Variants in NLGN1 observed in about 807,000 individuals in gnomAD.
NLGN1 encodes the protein neuroligin-1.
NLGN1 carries 12 observed loss-of-function variants against 65.5 expected under a neutral mutation model. The observed-to-expected ratio is 0.18, with a 90% CI of 0.12 to 0.30. NLGN1 has a LOEUF of 0.30. Among genes scored for constraint, NLGN1 ranks in the 10% least tolerant of loss-of-function variants. The pLI, the probability that NLGN1 is intolerant of heterozygous loss-of-function variation, is 1.00. For synonymous variants in NLGN1, 350 were observed against 359.5 expected, an observed-to-expected ratio of 0.97 and a Z score of 0.30; for missense variants, 750 against 1,007.1, an observed-to-expected ratio of 0.74 and a Z score of 3.46.
At chr3:173,607,487 T>C (rs924880238) in intron 3 of NLGN1, among the ~76,000 whole-genome samples, 1 of 151,614 alleles carries the variant, frequency 6.6e-6, no homozygotes, top group African/African-American at 2.4e-5. Context: ...ATAACAAAAA[T>C]TTTTGATGTA....
At chr3:173,901,372 T>A (rs111582820) in intron 4 of NLGN1, among the ~76,000 whole-genome samples, 4 of 136,132 alleles carry the variant, frequency 2.9e-5, no homozygotes, top group East Asian at 2.6e-4. Context: ...TTTGGGGGGG[T>A]GTGTGTGTGT....
At chr3:174,012,690 G>T (rs1233984599) in intron 4 of NLGN1, among the ~76,000 whole-genome samples, 1 of 152,006 alleles carries the variant, frequency 6.6e-6, no homozygotes, top group Non-Finnish European at 1.5e-5. Context: ...AAGACATTGG[G>T]GTCAAATATT....
intron 2 of NLGN1, among the ~76,000 whole-genome samples, chr3:173,567,635 A>G (rs1001220675): frequency 6.6e-6 from 1 of 151,562 alleles, no homozygotes; most frequent in African/African-American, 2.4e-5. Flanking sequence ...AATAATATTT[A>G]TCAAGTGTAT....
intron 4 of NLGN1, among the ~76,000 whole-genome samples, chr3:174,053,375 T>G (rs1422420096): frequency 2.6e-5 from 4 of 152,024 alleles, no homozygotes; most frequent in African/African-American, 9.7e-5. Flanking sequence ...AAATGTATGC[T>G]TCTGGTGGTC....
chr3:174,232,123 G>T (rs878973934), intron 4 of NLGN1, among the ~76,000 whole-genome samples: 1 of 152,194 alleles, frequency 6.6e-6, no homozygotes, highest in Non-Finnish European at 1.5e-5. Context: ...AGTCCGAAAA[G>T]AGAGTCAACG....
rs574926782 is a variant in NLGN1 at position 174,256,024 on chromosome 3, A to G, written c.647-19291A>G. Among the ~76,000 whole-genome samples the G allele has an allele frequency of 3.2e-3, 480 of 152,318 alleles. 1 individual carries two copies. Among genetic ancestry groups the G allele is most frequent in the African/African-American group, 0.011 (458 of 41,570 alleles). ...GTTTTAAATGTATTGAGCATAGTGTATGTTAATGTTCTCCCATTCCCAGAG... is the reference window on the plus strand; with the variant it reads ...GTTTTAAATGTATTGAGCATAGTGTGTGTTAATGTTCTCCCATTCCCAGAG... On this transcript the variant is annotated intron_variant, in intron 4 of 6. Coordinates refer to ENST00000457714, the Ensembl canonical transcript of NLGN1.
chr3:173,565,812 G>A (rs1393674494), intron 2 of NLGN1, among the ~76,000 whole-genome samples: 1 of 152,180 alleles, frequency 6.6e-6, no homozygotes, highest in Non-Finnish European at 1.5e-5. Flanking sequence ...TTGCAAGGAA[G>A]ATGAAGCAGA....
chr3:173,796,614 T>G (rs1203099322), intron 3 of NLGN1, among the ~76,000 whole-genome samples: 1 of 152,088 alleles, frequency 6.6e-6, no homozygotes, highest in Non-Finnish European at 1.5e-5. Context: ...GAGAGTTATG[T>G]GTGTGTTCCT....
At chr3:173,536,777 G>T (rs1241481850) in intron 2 of NLGN1, among the ~76,000 whole-genome samples, 1 of 152,198 alleles carries the variant, frequency 6.6e-6, no homozygotes, top group African/African-American at 2.4e-5. Context: ...GTGTGTGTGT[G>T]TGTGCGTAGG....
intron 4 of NLGN1, among the ~76,000 whole-genome samples, chr3:174,096,002 A>AAAAT (rs111524218): frequency 0.17 from 25,086 of 151,028 alleles, 2,705 homozygotes; most frequent in African/African-American, 0.31. Flanking sequence ...TCCATCTAAA[A>AAAAT]AAATAAATAA....
chr3:173,845,396 A>T (rs915386207), intron 4 of NLGN1, among the ~76,000 whole-genome samples: 2 of 152,192 alleles, frequency 1.3e-5, no homozygotes, highest in African/African-American at 4.8e-5. Flanking sequence ...ATCTGAGTGA[A>T]TGATCCTCTG....
At chr3:174,121,817 G>A (rs1365072256) in intron 4 of NLGN1, among the ~76,000 whole-genome samples, 4 of 152,072 alleles carry the variant, frequency 2.6e-5, no homozygotes, top group Non-Finnish European at 4.4e-5. Flanking sequence ...GGACAAAATC[G>A]TAAACTAGAA....
At chr3:174,019,068 T>C (rs1727208755) in intron 4 of NLGN1, among the ~76,000 whole-genome samples, 1 of 151,980 alleles carries the variant, frequency 6.6e-6, no homozygotes, top group South Asian at 2.1e-4. Context: ...ATAAATCAGG[T>C]ATTCAATGCC....
chr3:173,430,416 A>G (rs377493273), intron 1 of NLGN1, among the ~76,000 whole-genome samples: 4 of 152,248 alleles, frequency 2.6e-5, no homozygotes, highest in African/African-American at 7.2e-5. Flanking sequence ...CTGTCGTTTT[A>G]TAGTCTCTAA....
intron 4 of NLGN1, among the ~76,000 whole-genome samples, chr3:174,150,500 A>G (rs1173997832): frequency 1.3e-5 from 2 of 152,112 alleles, no homozygotes; most frequent in Admixed American, 6.6e-5. Context: ...AATGAATCCT[A>G]TAGAGTAAAA....
At chr3:174,225,600 G>A (rs971804780) in intron 4 of NLGN1, among the ~76,000 whole-genome samples, 1 of 152,182 alleles carries the variant, frequency 6.6e-6, no homozygotes. Context: ...GCGTGGTGGC[G>A]GGCGCCTGTA....
intron 4 of NLGN1, among the ~76,000 whole-genome samples, chr3:174,135,031 T>A (rs1170218957): frequency 6.6e-6 from 1 of 152,170 alleles, no homozygotes; most frequent in African/African-American, 2.4e-5. Context: ...TCTGCCAAAG[T>A]TCTGAGATTA....
intron 3 of NLGN1, among the ~76,000 whole-genome samples, chr3:173,781,879 G>A (rs1781219613): frequency 6.6e-6 from 1 of 152,104 alleles, no homozygotes; most frequent in Admixed American, 6.5e-5. Flanking sequence ...AGCTCAAACT[G>A]GACAATGTTA....
intron 1 of NLGN1, among the ~76,000 whole-genome samples, chr3:173,426,144 T>C (rs903154328): frequency 2.0e-5 from 3 of 151,618 alleles, no homozygotes; most frequent in Non-Finnish European, 4.4e-5. Context: ...TGTTGGAATA[T>C]AGAAATACTA....
Sources: gnomAD v4.1 joint callset for allele counts (sites outside exome capture counted in the v4.1 genomes callset) on GRCh38, gnomAD v4.1.1 for gene constraint, MANE v1.5 for transcripts, NCBI Gene and HGNC (gene_info 2026-07-23, HGNC 2026-07-21) for gene names.